KCNN1: variants seen among roughly 807,000 people sequenced by gnomAD.
KCNN1 encodes the protein potassium calcium-activated channel subfamily N member 1, also known as small conductance calcium-activated potassium channel protein 1.
KCNN1 carries 20 observed loss-of-function variants against 44.7 expected under a neutral mutation model. That is an observed-to-expected ratio of 0.45 (90% CI 0.32 to 0.65). The LOEUF (loss-of-function observed/expected upper bound fraction) is 0.65. KCNN1 is among the 30% of genes least tolerant of loss of function. The pLI is 0.05. For missense variants in KCNN1, 632 were observed against 785.3 expected, an observed-to-expected ratio of 0.80 and a Z score of 2.33; for synonymous variants, 324 against 341.7, an observed-to-expected ratio of 0.95 and a Z score of 0.57.
intron 1 of KCNN1, chr19:17,952,163 G>A (rs2031427000): frequency 6.6e-6 from 1 of 152,084 alleles, no homozygotes; most frequent in African/African-American, 2.4e-5. Context: ...CTCGGCCTGC[G>A]GGGTCCGCGC....
Position 17,982,038 on chromosome 19 carries a change from A to C in KCNN1, c.828A>C (p.Thr276=). The C allele has an allele frequency of 1.2e-6, 2 of 1,609,490 alleles. No homozygotes were observed. The highest frequency in any genetic ancestry group is 1.7e-6 in the Non-Finnish European group (2 of 1,178,170). Residue 276 remains threonine (T), a synonymous_variant, in exon 4 of 10, where the codon ACA becomes ACC. Transcript: ENST00000684775. ...TCAACACGCGCTTCGTCATGAAGAC[A>C]CTCATGACCATCTGCCCCGGCACCG... The part of the protein sequence containing the change: ...ITFNTRFVMK[T]LMTICPGTVL...
intron 1 of KCNN1, among the ~76,000 whole-genome samples, chr19:17,953,187 C>T (rs1446772530): frequency 6.6e-6 from 1 of 152,214 alleles, no homozygotes; most frequent in East Asian, 1.9e-4. Context: ...CGCTCCCAGC[C>T]TCCTCAGGCT....
intron 1 of KCNN1, among the ~76,000 whole-genome samples, chr19:17,971,555 C>T (rs886814478): frequency 3.3e-5 from 5 of 152,010 alleles, no homozygotes; most frequent in East Asian, 1.9e-4. Context: ...CTCCGCCTCC[C>T]GGGTTCAAGC....
upstream of KCNN1, among the ~76,000 whole-genome samples, chr19:17,963,605 C>T (rs1348422397): frequency 6.6e-6 from 1 of 152,162 alleles, no homozygotes; most frequent in Non-Finnish European, 1.5e-5. Flanking sequence ...CATGAGCCAC[C>T]ACACCCAGCT....
At chr19:17,973,537 T>C (rs955075768) in intron 1 of KCNN1, among the ~76,000 whole-genome samples, 1 of 152,218 alleles carries the variant, frequency 6.6e-6, no homozygotes, top group Non-Finnish European at 1.5e-5. Context: ...TGCCTTGGCC[T>C]CCTAAGTAGC....
rs951078709 is a variant in KCNN1, at chr19:17,958,845, C to T, written c.-82+4164C>T. 2.6e-3 allele frequency among the ~76,000 whole-genome samples: 383 copies of T among 147,934 alleles called. 1 individual carries two copies. Among genetic ancestry groups the T allele is most frequent in the African/African-American group, 9.2e-3 (368 of 40,102 alleles). ...CCCGAGTAGCTGGGACTACAGGCGC[C>T]CGCCACCACGCCTGGCTAATTTTTT... On this transcript the variant is annotated intron_variant, in intron 2 of 10. Coordinates refer to the KCNN1 transcript ENST00000222249.
chr19:17,975,931 G>A (rs909029053), intron 3 of KCNN1, among the ~76,000 whole-genome samples: 13 of 152,070 alleles, frequency 8.5e-5, no homozygotes, highest in Non-Finnish European at 1.6e-4. Context: ...CCTCAAACTC[G>A]TGGGCTCAAG....
chr19:17,994,702 C>T (rs539003990), intron 9 of KCNN1, among the ~76,000 whole-genome samples: 2 of 152,226 alleles, frequency 1.3e-5, no homozygotes, highest in South Asian at 4.1e-4. Flanking sequence ...CACCAGCATG[C>T]CCGGCTAATT....
In KCNN1 at chr19:17,972,464, C is replaced by T. The variant is rs78832793; in HGVS notation, c.-81-1344C>T. Among the ~76,000 whole-genome samples the T allele has an allele frequency of 6.4e-4, 97 of 152,338 alleles. 2 individuals are homozygous for T. In the East Asian group the frequency reaches 0.012, roughly 19 times the overall value. On this transcript the variant is annotated intron_variant, in intron 1 of 9. Coordinates refer to ENST00000684775, the MANE Select transcript of KCNN1 (RefSeq NM_001386974.1). ...CTAGCCTGAGATCATAGAGCCCAGC[C>T]AAGCATGTCTTATGTCTTACAAAGC...
chr19:17,958,902 G>C (rs535790283), intron 2 of KCNN1, among the ~76,000 whole-genome samples: 60 of 149,716 alleles, frequency 4.0e-4, no homozygotes, highest in African/African-American at 1.4e-3. Flanking sequence ...GGGTTTCACC[G>C]TGTTAACCAG....
chr19:17,958,688 G>GTATTTATT (rs151293226), intron 2 of KCNN1, among the ~76,000 whole-genome samples: 30,126 of 148,496 alleles, frequency 0.2, 3,304 homozygotes, highest in East Asian at 0.33. Flanking sequence ...ATTTTCAATT[G>GTATTTATT]TATTTATTTA....
At chr19:17,972,850 C>T (rs920938166) in intron 1 of KCNN1, among the ~76,000 whole-genome samples, 3 of 152,196 alleles carry the variant, frequency 2.0e-5, no homozygotes, top group Admixed American at 2.0e-4. Context: ...CATCTTCCAG[C>T]GTTCAGCAAG....
chr19:17,963,163 A>G (rs993506042), upstream of KCNN1, among the ~76,000 whole-genome samples: 2 of 150,394 alleles, frequency 1.3e-5, no homozygotes, highest in Non-Finnish European at 3.0e-5. Flanking sequence ...GCCCGCCACC[A>G]CGCCACACCC....
chr19:17,986,899 C>T (rs538549934), intron 5 of KCNN1, among the ~76,000 whole-genome samples: 3 of 152,160 alleles, frequency 2.0e-5, no homozygotes, highest in Admixed American at 6.5e-5. Context: ...CTCCGCCTCC[C>T]GGGTTCAAGC....
At position 17,993,023 on chromosome 19, in the gene KCNN1, A is replaced by AT. The variant is rs762732862; in HGVS notation, c.1299-26dup. ...GTGCTGAGGTTAAAATTGCCTTGTG[A>AT]TTTTTCTCCTGCTCTGCCCGGTCCT... On this transcript the variant is annotated intron_variant, in intron 7 of 9. Transcript: ENST00000684775. This position sits in a 1 kb window ranked among gnomAD's most constrained non-coding sequence, Gnocchi z 4.5. 1 of 1,612,478 alleles carries AT rather than the reference A, an allele frequency of 6.2e-7. No individual in the cohort carries two copies. Among genetic ancestry groups the AT allele is most frequent in the South Asian group, 1.1e-5 (1 of 90,848 alleles).
At chr19:17,955,157 C>CAA (rs141702888) in intron 2 of KCNN1, among the ~76,000 whole-genome samples, 29,383 of 150,044 alleles carry the variant, frequency 0.2, 3,043 homozygotes, top group East Asian at 0.37. Context: ...GTGGGAGTAT[C>CAA]GAGTCCAGGA....
At chr19:17,987,258 T>C (rs528964475) in intron 5 of KCNN1, among the ~76,000 whole-genome samples, 2 of 152,234 alleles carry the variant, frequency 1.3e-5, no homozygotes, top group African/African-American at 4.8e-5. Flanking sequence ...GGCAGGCACC[T>C]GCCACCAGGC....
chr19:17,988,607 C>G (rs2032684304), intron 6 of KCNN1, 82 bp downstream of exon 6: 1 of 1,045,176 alleles, frequency 9.6e-7, no homozygotes, highest in African/African-American at 1.6e-5. Context: ...TCTGTACGTG[C>G]CGGGCATGCT....
chr19:17,987,850 A>C (rs1298884358), intron 5 of KCNN1, among the ~76,000 whole-genome samples: 10 of 150,614 alleles, frequency 6.6e-5, no homozygotes, highest in Middle Eastern at 3.4e-3. Context: ...AAAAAAAAAA[A>C]AAAAAAACAG....
Sources: allele counts gnomAD v4.1 joint callset (sites outside exome capture counted in the v4.1 genomes callset), GRCh38; gene constraint gnomAD v4.1.1; non-coding constraint Gnocchi (gnomAD v3.1); transcripts MANE v1.5; gene names NCBI Gene and HGNC (gene_info 2026-07-23, HGNC 2026-07-21).